The following GPRASP1 variants were observed in gnomAD, a reference collection of about 807,000 sequenced individuals.
GPRASP1 encodes G protein-coupled receptor-associated sorting protein 1.
Under a neutral mutation model 68.4 loss-of-function variants are expected in GPRASP1, and 28 were observed. The ratio of observed to expected loss-of-function variants is 0.41; its 90% CI spans 0.30 to 0.56. The LOEUF (loss-of-function observed/expected upper bound fraction) is 0.56. GPRASP1 is among the 20% of genes least tolerant of loss of function. The probability of loss-of-function intolerance (pLI) is 0.29; values close to 1 mark genes in which losing one functional copy is unlikely to be tolerated. For synonymous variants in GPRASP1, 304 were observed against 358.2 expected (o/e 0.85, Z 1.71); for missense variants, 913 against 1,031.5 (o/e 0.89, Z 1.57).
Position 102,657,626 on chromosome X carries a change from G to A in GPRASP1, c.3713G>A (p.Cys1238Tyr). ...PNLNIIQTYI[C>Y]KVCEETLAYS... ...CTAAACATAATTCAGACATACATAT[G>A]TAAAGTGTGTGAGGAAACCCTTGCT... The change falls in exon 6 of 6, where the codon TGT becomes TAT. Residue 1238 changes from cysteine to tyrosine, a missense_variant. Cys to Tyr is a radical substitution (Grantham distance 194). Coordinates refer to ENST00000537097, the MANE Select transcript of GPRASP1 (RefSeq NM_001184727.2). 1 of 1,210,657 alleles carries A rather than the reference G, an allele frequency of 8.3e-7. No individual in the cohort carries two copies. Among genetic ancestry groups the A allele is most frequent in the Non-Finnish European group, 1.1e-6 (1 of 894,487 alleles).
Position 102,658,244 on chromosome X carries a change from C to A in GPRASP1, c.*143C>A. On this transcript the variant is annotated 3_prime_UTR_variant, in exon 6 of 6. Coordinates refer to ENST00000537097, the MANE Select transcript of GPRASP1 (RefSeq NM_001184727.2). ...AACTTTGTCCAACTCTGTCTGTAAG[C>A]TGGAGCATTTTTCTGATGCCAGCTG... The A allele has an allele frequency of 2.5e-6, 1 of 406,091 alleles. No homozygotes were observed. The highest frequency in any genetic ancestry group is 4.4e-6 in the Non-Finnish European group (1 of 229,465). 33.5% of individuals were successfully genotyped at this position (406,091 alleles called of 1,213,427 possible). A position where few individuals can be genotyped will look rare whatever the true frequency, so the allele number is the denominator to read the frequency against.
In GPRASP1 at chrX:102,657,558, T is replaced by G. The variant is rs1020355348; in HGVS notation, c.3645T>G (p.Ser1215Arg). 2.6e-5 allele frequency: 31 copies of G among 1,210,524 alleles called. No individual in the cohort carries two copies. The highest frequency in any genetic ancestry group is 3.5e-5 in the Non-Finnish European group (31 of 895,317). ...LNYPSSRVRT[S>R]FLENMIRMAP... is the part of the protein sequence containing the mutation. ...ATCCGTCCTCCCGAGTTAGAACAAG[T>G]TTTTTGGAAAATATGATTCGCATGG... The change falls in exon 6 of 6, where the codon AGT becomes AGG. Residue 1215 changes from serine to arginine, a missense_variant. By Grantham distance (110) the Ser-to-Arg change is moderately radical (BLOSUM62 -1). Coordinates refer to ENST00000537097, the MANE Select transcript of GPRASP1 (RefSeq NM_001184727.2).
Position 102,658,637 on chromosome X carries a change from G to A in GPRASP1, c.*536G>A, listed in dbSNP as rs2081440652. ...AGAGAAAAAGTAGCTACTTCGGTTG[G>A]ACTCTGAAGTTTGGGAAAGATATTG... On this transcript the variant is annotated 3_prime_UTR_variant, in exon 6 of 6. Coordinates refer to ENST00000537097, the MANE Select transcript of GPRASP1 (RefSeq NM_001184727.2). 8.5e-6 allele frequency: 1 copy of A among 118,068 alleles called. No individual in the cohort carries two copies. The highest frequency in any genetic ancestry group is 4.3e-4 in the South Asian group (1 of 2,318). The allele number at this position is 118,068 out of a possible 1,213,427, so 9.7% of individuals were successfully genotyped here.
In GPRASP1 at chrX:102,653,872, G is replaced by A; in HGVS notation, c.-42G>A. The A allele has an allele frequency of 9.6e-7, 1 of 1,036,482 alleles. No homozygotes were observed. Among genetic ancestry groups the A allele is most frequent in the East Asian group, 3.0e-5 (1 of 32,865 alleles). 85.4% of individuals were successfully genotyped at this position (1,036,482 alleles called of 1,213,427 possible). ...CAGATCTGTGGTTGAGGTTTAGACT[G>A]GGGGAGGAGTATAGTACTGGACTTT... is the stretch of plus-strand genomic sequence containing the variant. On this transcript the variant is annotated 5_prime_UTR_variant, in exon 6 of 6. Coordinates refer to ENST00000537097, the MANE Select transcript of GPRASP1 (RefSeq NM_001184727.2).
At position 102,655,660 on chromosome X, in the gene GPRASP1, T is replaced by C; in HGVS notation, c.1747T>C (p.Trp583Arg). 1 of 1,211,659 alleles carries C rather than the reference T, an allele frequency of 8.3e-7. No individual in the cohort carries two copies. Among genetic ancestry groups the C allele is most frequent in the Non-Finnish European group, 1.1e-6 (1 of 895,447 alleles). Residue 583 changes from tryptophan (W) to arginine (R), a missense_variant, in exon 6 of 6, where the codon TGG (tryptophan) becomes CGG (arginine). Transcript: ENST00000537097. ...GAEEETIFGS[W>R]FWAENQTYMD... is the part of the protein sequence containing the mutation. ...TGAAGAAGAGACAATATTCGGGTCC[T>C]GGTTTTGGGCTGAAAACCAGACCTA...
At position 102,655,814 on chromosome X, in the gene GPRASP1, G is replaced by T; in HGVS notation, c.1901G>T (p.Ser634Ile). The T allele has an allele frequency of 1.7e-6, 2 of 1,211,092 alleles. No individual in the cohort carries two copies. The highest frequency in any genetic ancestry group is 1.7e-5 in the African/African-American group (1 of 57,619). ...CVEGDVNSKS[S>I]LEDKEEAMIP... Reference sequence around the variant, plus strand: ...GAGGGTGATGTCAACAGCAAGTCTAGCCTGGAGGACAAGGAAGAGGCCATG... The same window carrying T: ...GAGGGTGATGTCAACAGCAAGTCTATCCTGGAGGACAAGGAAGAGGCCATG... The change falls in exon 6 of 6, where the codon AGC becomes ATC. Residue 634 changes from serine to isoleucine, a missense_variant. Coordinates refer to ENST00000537097, the MANE Select transcript of GPRASP1 (RefSeq NM_001184727.2).
Position 102,657,632 on chromosome X carries a change from T to C in GPRASP1, c.3719T>C (p.Val1240Ala). Residue 1240 changes from valine (V) to alanine (A), a missense_variant, in exon 6 of 6, where the codon GTG (valine) becomes GCG (alanine). By Grantham distance (64) the Val-to-Ala change is moderately conservative. Coordinates refer to ENST00000537097, the MANE Select transcript of GPRASP1 (RefSeq NM_001184727.2). ...LNIIQTYICK[V>A]CEETLAYSVD... is the part of the protein sequence containing the mutation. Reference sequence around the variant, plus strand: ...ATAATTCAGACATACATATGTAAAGTGTGTGAGGAAACCCTTGCTTATAGC... The same window carrying C: ...ATAATTCAGACATACATATGTAAAGCGTGTGAGGAAACCCTTGCTTATAGC... The C allele has an allele frequency of 8.3e-7, 1 of 1,210,876 alleles. No homozygotes were observed. The highest frequency in any genetic ancestry group is 1.1e-6 in the Non-Finnish European group (1 of 894,603).
chrX:102,654,825 T>A lies in GPRASP1; in HGVS notation c.912T>A (p.His304Gln), dbSNP rs759510162. Residue 304 changes from histidine to glutamine, a missense_variant, in exon 6 of 6, where the codon CAT becomes CAA. Coordinates refer to ENST00000537097, the MANE Select transcript of GPRASP1 (RefSeq NM_001184727.2). ...GTTCTGGATCTGAGCATGAAGACCA[T>A]TTGGAGTCCTGGTTTGGGGCTGGAA... Reference protein sequence around the residue: ...ESSSGSEHEDHLESWFGAGKE... With the variant: ...ESSSGSEHEDQLESWFGAGKE... 5.8e-6 allele frequency: 7 copies of A among 1,211,451 alleles called. No homozygotes were observed. The South Asian group carries it at 1.1e-4, about 18-fold the overall frequency.
Position 102,654,152 on chromosome X carries a change from CCAAGG to C in GPRASP1, c.243_247del (p.Lys81AsnfsTer7). 1 of 1,211,806 alleles carries C rather than the reference CCAAGG, an allele frequency of 8.3e-7. No individual in the cohort carries two copies. Among genetic ancestry groups the C allele is most frequent in the Non-Finnish European group, 1.1e-6 (1 of 895,251 alleles). On this transcript the variant is annotated frameshift_variant, in exon 6 of 6. Transcript: ENST00000537097. LOFTEE classifies it high-confidence loss of function. ...GGTGGGGCACGCCCTAAGAGTAAGG[CCAAGG>C]CAATACCTGTTTCACGATTTAAGGA...
At position 102,655,884 on chromosome X, in the gene GPRASP1, G is replaced by C; in HGVS notation, c.1971G>C (p.Gly657=). The change falls in exon 6 of 6, where the codon GGG becomes GGC. Residue 657 remains glycine, a synonymous_variant. Transcript: ENST00000537097. Reference sequence around the variant, plus strand: ...AAGAAGAGGTCAGTATGAAGCATGGGACTGGTGTCAGATGCAGATTTATGG... The same window carrying C: ...AAGAAGAGGTCAGTATGAAGCATGGCACTGGTGTCAGATGCAGATTTATGG... The part of the protein sequence containing the change: ...GAKEEVSMKH[G]TGVRCRFMAG... The C allele has an allele frequency of 1.7e-6, 2 of 1,211,761 alleles. No individual in the cohort carries two copies. Among genetic ancestry groups the C allele is most frequent in the Non-Finnish European group, 2.2e-6 (2 of 895,496 alleles).
At position 102,654,443 on chromosome X, in the gene GPRASP1, G is replaced by A. The variant is rs1305561504; in HGVS notation, c.530G>A (p.Cys177Tyr). 1 of 1,210,089 alleles carries A rather than the reference G, an allele frequency of 8.3e-7. No homozygotes were observed. Among genetic ancestry groups the A allele is most frequent in the Non-Finnish European group, 1.1e-6 (1 of 895,207 alleles). ...GAGACCAATATGGGGTCCTGGTGCT[G>A]TCCTAGGCCTACATCCAAACAAGAA... ...KEETNMGSWCCPRPTSKQEAS... is the reference protein window; with the variant it reads ...KEETNMGSWCYPRPTSKQEAS... The change falls in exon 6 of 6, where the codon TGT becomes TAT. Residue 177 changes from cysteine (C) to tyrosine (Y), a missense_variant. By Grantham distance (194) the Cys-to-Tyr change is radical. Coordinates refer to ENST00000537097, the MANE Select transcript of GPRASP1 (RefSeq NM_001184727.2).
chrX:102,654,187 G>C lies in GPRASP1; in HGVS notation c.274G>C (p.Ala92Pro), dbSNP rs749515622. 8.2e-7 allele frequency: 1 copy of C among 1,212,416 alleles called. No homozygotes were observed. Among genetic ancestry groups the C allele is most frequent in the South Asian group, 1.8e-5 (1 of 57,043 alleles). Reference sequence around the variant, plus strand: ...ACCTGTTTCACGATTTAAGGAAGAAGCCCAGATGTGGGCTCAGCCCAGGTT... The same window carrying C: ...ACCTGTTTCACGATTTAAGGAAGAACCCCAGATGTGGGCTCAGCCCAGGTT... Reference protein sequence around the residue: ...AIPVSRFKEEAQMWAQPRFGA... With the variant: ...AIPVSRFKEEPQMWAQPRFGA... The change falls in exon 6 of 6, where the codon GCC (alanine) becomes CCC (proline). Residue 92 changes from alanine (A) to proline (P), a missense_variant. Physicochemically the swap from Ala to Pro is conservative, Grantham distance 27. Transcript: ENST00000537097.
intron 2 of GPRASP1, 74 bp from the exon 3 acceptor site, chrX:102,652,101 G>C (rs929322628): frequency 1.8e-5 from 2 of 113,053 alleles, no homozygotes; most frequent in Non-Finnish European, 3.7e-5. Context: ...AAAGGGGCCT[G>C]TGGGGCCCCG....
rs761086891 is a variant in GPRASP1 at position 102,658,922 on chromosome X, GGTAA to G, written c.*824_*827del. On this transcript the variant is annotated 3_prime_UTR_variant, in exon 6 of 6. Coordinates refer to ENST00000537097, the MANE Select transcript of GPRASP1 (RefSeq NM_001184727.2). ...GACAATTTAATCATGATGGTACCATGGTAAGTGTTAAGGCAACATCATACAGCCA... is the reference window on the plus strand; with the variant it reads ...GACAATTTAATCATGATGGTACCATGGTGTTAAGGCAACATCATACAGCCA... 1 of 122,857 alleles carries G rather than the reference GGTAA, an allele frequency of 8.1e-6. No individual in the cohort carries two copies. The highest frequency in any genetic ancestry group is 2.8e-4 in the East Asian group (1 of 3,556). 10.1% of individuals were successfully genotyped at this position (122,857 alleles called of 1,213,427 possible).
In GPRASP1 at chrX:102,653,909, G is replaced by C. The variant is rs1427794367; in HGVS notation, c.-5G>C. On this transcript the variant is annotated 5_prime_UTR_variant, in exon 6 of 6. Coordinates refer to ENST00000537097, the MANE Select transcript of GPRASP1 (RefSeq NM_001184727.2). ...TAGTACTGGACTTTCTTTGTAACTT[G>C]TACCATGACTGGGGCAGAGATTGAG... 8.3e-6 allele frequency: 10 copies of C among 1,198,995 alleles called. No individual in the cohort carries two copies. Among genetic ancestry groups the C allele is most frequent in the African/African-American group, 5.3e-5 (3 of 57,012 alleles).
At position 102,654,734 on chromosome X, in the gene GPRASP1, G is replaced by A; in HGVS notation, c.821G>A (p.Gly274Glu). Residue 274 changes from glycine (G) to glutamate (E), a missense_variant, in exon 6 of 6, where the codon GGG becomes GAG. By Grantham distance (98) the Gly-to-Glu change is moderately conservative. Transcript: ENST00000537097. ...WARDKTNTWS[G>E]PREDPNSRSR... ...AGAGATAAAACCAATACCTGGTCTG[G>A]GCCCAGGGAAGATCCCAATAGCAGG... The A allele has an allele frequency of 2.5e-6, 3 of 1,208,619 alleles. No individual in the cohort carries two copies. In the East Asian group the frequency reaches 8.9e-5, roughly 36 times the overall value.
Position 102,653,939 on chromosome X carries a change from G to A in GPRASP1, c.26G>A (p.Gly9Asp), listed in dbSNP as rs1005084007. The A allele has an allele frequency of 2.5e-6, 3 of 1,210,190 alleles. No homozygotes were observed. The highest frequency in any genetic ancestry group is 3.4e-6 in the Non-Finnish European group (3 of 894,105). MTGAEIES[G>D]AQVKPEKKPG... ...ATGACTGGGGCAGAGATTGAGTCTG[G>A]TGCCCAGGTCAAGCCTGAAAAGAAG... is the stretch of plus-strand genomic sequence containing the variant. Residue 9 changes from glycine (G) to aspartate (D), a missense_variant, in exon 6 of 6, where the codon GGT becomes GAT. By Grantham distance (94) the Gly-to-Asp change is moderately conservative. Transcript: ENST00000537097.
chrX:102,654,967 A>T lies in GPRASP1; in HGVS notation c.1054A>T (p.Lys352Ter). The T allele has an allele frequency of 8.3e-7, 1 of 1,210,766 alleles. No individual in the cohort carries two copies. The highest frequency in any genetic ancestry group is 1.1e-6 in the Non-Finnish European group (1 of 894,455). Residue 352 changes from lysine (K) to a stop codon, truncating the protein, a stop_gained, in exon 6 of 6, where the codon AAA (lysine) becomes TAA (stop). Coordinates refer to ENST00000537097, the MANE Select transcript of GPRASP1 (RefSeq NM_001184727.2). LOFTEE classifies it high-confidence loss of function. Reference protein sequence around the residue: ...DFMPGSIDVIKKESCFWPEEN... With the variant: ...DFMPGSIDVI ...CATGCCTGGGTCTATAGATGTAATTAAAAAAGAGTCCTGTTTCTGGCCTGA... is the reference window on the plus strand; with the variant it reads ...CATGCCTGGGTCTATAGATGTAATTTAAAAAGAGTCCTGTTTCTGGCCTGA...
At position 102,654,442 on chromosome X, in the gene GPRASP1, T is replaced by A; in HGVS notation, c.529T>A (p.Cys177Ser). 2 of 1,211,953 alleles carry A rather than the reference T, an allele frequency of 1.7e-6. No homozygotes were observed. Among genetic ancestry groups the A allele is most frequent in the Non-Finnish European group, 2.2e-6 (2 of 895,465 alleles). The change falls in exon 6 of 6, where the codon TGT (cysteine) becomes AGT (serine). Residue 177 changes from cysteine (C) to serine (S), a missense_variant. Physicochemically the swap from Cys to Ser is moderately radical, Grantham distance 112. Coordinates refer to ENST00000537097, the MANE Select transcript of GPRASP1 (RefSeq NM_001184727.2). The stretch of plus-strand genomic sequence containing the variant: ...GGAGACCAATATGGGGTCCTGGTGC[T>A]GTCCTAGGCCTACATCCAAACAAGA... ...KEETNMGSWC[C>S]PRPTSKQEAS...
Sources: gnomAD v4.1 joint callset for allele counts on GRCh38, gnomAD v4.1.1 for gene constraint, MANE v1.5 for transcripts, NCBI Gene and HGNC (gene_info 2026-07-23, HGNC 2026-07-21) for gene names.